Variants in WDR27 observed in about 807,000 individuals in gnomAD.
WDR27 encodes WD repeat-containing protein 27.
A neutral mutation model predicts 114.4 loss-of-function variants in WDR27; 100 were observed. The ratio of observed to expected loss-of-function variants is 0.87; its 90% CI spans 0.74 to 1.03. The LOEUF (loss-of-function observed/expected upper bound fraction) is 1.03. WDR27 is among the 50% of genes least tolerant of loss of function. The pLI is 0.00. For synonymous variants in WDR27, 449 were observed against 423.1 expected (o/e 1.06, Z -0.75); for missense variants, 1,129 against 1,092.9 (o/e 1.03, Z -0.47).
intron 22 of WDR27, among the ~76,000 whole-genome samples, chr6:169,612,920 C>A (rs373732570): frequency 1.3e-5 from 2 of 152,104 alleles, no homozygotes; most frequent in African/African-American, 2.4e-5. Context: ...AGTAAACAAA[C>A]CTGCCTGTAA....
chr6:169,624,211 G>A (rs535593199), intron 21 of WDR27, among the ~76,000 whole-genome samples: 13 of 151,552 alleles, frequency 8.6e-5, no homozygotes, highest in African/African-American at 3.1e-4. Flanking sequence ...GCATGTGGCA[G>A]GTGTTCCGTG....
chr6:169,519,063 C>T (rs2128061140), intron 25 of WDR27, among the ~76,000 whole-genome samples: 1 of 152,356 alleles, frequency 6.6e-6, no homozygotes, highest in South Asian at 2.1e-4. Flanking sequence ...CTCCAGTTCT[C>T]CATAAGTTCC....
rs778672500 is a variant in WDR27, at chr6:169,602,250, C to T, written c.2393G>A (p.Arg798Gln). The change falls in exon 23 of 26, where the codon CGA becomes CAA. Residue 798 changes from arginine (R) to glutamine (Q), a missense_variant. Physicochemically the swap from Arg to Gln is conservative, Grantham distance 43. Coordinates refer to ENST00000448612, the MANE Select transcript of WDR27 (RefSeq NM_182552.5). ...PCGIAFSPCG[R>Q]FAACGAEDRH... ...GTCCTCGGCCCCACAAGCCGCGAAT[C>T]GTCCACAAGGACTGAAAGCGATTCC... is the stretch of plus-strand genomic sequence containing the variant. 17 of 1,563,092 alleles carry T rather than the reference C, an allele frequency of 1.1e-5. No homozygotes were observed. The highest frequency in any genetic ancestry group is 5.9e-5 in the South Asian group (5 of 84,526).
intron 21 of WDR27, among the ~76,000 whole-genome samples, chr6:169,617,975 T>A (rs1812263577): frequency 6.6e-6 from 1 of 152,224 alleles, no homozygotes; most frequent in South Asian, 2.1e-4. Flanking sequence ...CATACCTTCA[T>A]TATCTGCCTA....
intron 25 of WDR27, among the ~76,000 whole-genome samples, chr6:169,529,291 C>T (rs889247359): frequency 9.5e-5 from 11 of 115,244 alleles, no homozygotes; most frequent in African/African-American, 2.4e-4. Flanking sequence ...CACGCTAGCA[C>T]GTTAACGGTG....
At chr6:169,516,788 A>AACACTCACAC (rs1554278288) in intron 25 of WDR27, among the ~76,000 whole-genome samples, 1 of 119,264 alleles carries the variant, frequency 8.4e-6, no homozygotes, top group African/African-American at 3.1e-5. Context: ...GGCATGCTCC[A>AACACTCACAC]ACACACACAC....
rs1802067119 is a variant in WDR27, at chr6:169,575,243, C to CATCT, written c.2524-2704_2524-2703insAGAT. Among the ~76,000 whole-genome samples, 2 of 150,986 alleles carry CATCT rather than the reference C, an allele frequency of 1.3e-5. 1 individual carries two copies. On this transcript the variant is annotated intron_variant, in intron 24 of 25. Transcript: ENST00000448612. ...CCATCCATCTCTCTCCCTCTCTATC[C>CATCT]ATCCATCCATCCCTCCTTCCCTCTC...
chr6:169,560,264 T>C (rs922858747), intron 25 of WDR27, among the ~76,000 whole-genome samples: 11 of 152,178 alleles, frequency 7.2e-5, no homozygotes, highest in Non-Finnish European at 1.5e-4. Flanking sequence ...CTCTCTTCCC[T>C]GCCACCATGT....
At chr6:169,605,393 T>C (rs1808933146) in intron 22 of WDR27, among the ~76,000 whole-genome samples, 1 of 151,738 alleles carries the variant, frequency 6.6e-6, no homozygotes, top group Admixed American at 6.6e-5. Context: ...CCTAGGAATA[T>C]AATTAACCAA....
At chr6:169,613,190 C>G (rs1810998922) in intron 22 of WDR27, among the ~76,000 whole-genome samples, 1 of 152,156 alleles carries the variant, frequency 6.6e-6, no homozygotes, top group South Asian at 2.1e-4. Flanking sequence ...CGCCGCTGGC[C>G]CTGCGTTACG....
intron 17 of WDR27, among the ~76,000 whole-genome samples, chr6:169,639,678 T>C (rs1473605322): frequency 6.6e-6 from 1 of 152,164 alleles, no homozygotes; most frequent in Non-Finnish European, 1.5e-5. Context: ...GTTTATTTCG[T>C]ACACCTGTAG....
At chr6:169,679,411 G>C (rs1304589719) in intron 2 of WDR27, among the ~76,000 whole-genome samples, 1 of 152,234 alleles carries the variant, frequency 6.6e-6, no homozygotes, top group African/African-American at 2.4e-5. Context: ...GACATAAAAT[G>C]TAGGGGACCA....
At chr6:169,549,560 A>G (rs1306272511) in intron 25 of WDR27, among the ~76,000 whole-genome samples, 1 of 152,234 alleles carries the variant, frequency 6.6e-6, no homozygotes, top group Non-Finnish European at 1.5e-5. Flanking sequence ...TCATCACACA[A>G]AAATTGCACA....
chr6:169,454,749 T>C (rs1784282779), downstream of WDR27, among the ~76,000 whole-genome samples: 1 of 152,204 alleles, frequency 6.6e-6, no homozygotes, highest in Non-Finnish European at 1.5e-5. Flanking sequence ...AATCATCTTA[T>C]CACGCAAGCA....
At chr6:169,447,362 A>AT in the WDR27 span, among the ~76,000 whole-genome samples, 1 of 152,270 alleles carries the variant, frequency 6.6e-6, no homozygotes, top group South Asian at 2.1e-4. Flanking sequence ...TTTTTCTTCA[A>AT]TTTTTTTAAA....
At chr6:169,534,306 A>T (rs1795971475) in intron 25 of WDR27, among the ~76,000 whole-genome samples, 1 of 152,054 alleles carries the variant, frequency 6.6e-6, no homozygotes, top group Admixed American at 6.6e-5. Flanking sequence ...TTTGTTGGAG[A>T]TTTTTGTATT....
chr6:169,512,628 T>C (rs1469858306), intron 25 of WDR27, among the ~76,000 whole-genome samples: 1 of 152,216 alleles, frequency 6.6e-6, no homozygotes, highest in Non-Finnish European at 1.5e-5. Flanking sequence ...ATAAGCTAGA[T>C]TTTAATGATG....
At chr6:169,443,540 G>T in the WDR27 span, among the ~76,000 whole-genome samples, 1 of 152,158 alleles carries the variant, frequency 6.6e-6, no homozygotes, top group African/African-American at 2.4e-5. Flanking sequence ...GGGTGCTCTG[G>T]CCCTGCTGAC....
chr6:169,446,872 A>C, the WDR27 span, among the ~76,000 whole-genome samples: 1 of 152,202 alleles, frequency 6.6e-6, no homozygotes, highest in Non-Finnish European at 1.5e-5. Context: ...TCTCACGCTT[A>C]AGTGATTAAA....
Sources: gnomAD v4.1 joint callset for allele counts (sites outside exome capture counted in the v4.1 genomes callset) on GRCh38, gnomAD v4.1.1 for gene constraint, MANE v1.5 for transcripts, NCBI Gene and HGNC (gene_info 2026-07-23, HGNC 2026-07-21) for gene names.